Variants in PPP2R2B observed in about 807,000 individuals in gnomAD.
The protein encoded by PPP2R2B is serine/threonine-protein phosphatase 2A 55 kDa regulatory subunit B beta isoform.
A neutral mutation model predicts 46.0 loss-of-function variants in PPP2R2B; 5 were observed. The observed-to-expected ratio is 0.11, with a 90% CI of 0.06 to 0.23. The LOEUF (loss-of-function observed/expected upper bound fraction) is 0.23. PPP2R2B is among the 10% of genes least tolerant of loss of function. The probability of loss-of-function intolerance (pLI) is 1.00; values close to 1 mark genes in which losing one functional copy is unlikely to be tolerated. For synonymous variants in PPP2R2B, 215 were observed against 206.7 expected (o/e 1.04, Z -0.34); for missense variants, 367 against 575.0 (o/e 0.64, Z 3.70).
At chr5:146,899,731 GGAA>G (rs1762764049) in intron 1 of PPP2R2B, among the ~76,000 whole-genome samples, 1 of 152,066 alleles carries the variant, frequency 6.6e-6, no homozygotes, top group Admixed American at 6.6e-5. Flanking sequence ...AGAAGTATCA[GGAA>G]GAATTAGGAA....
At chr5:146,832,392 T>A (rs974999707) in intron 2 of PPP2R2B, among the ~76,000 whole-genome samples, 2 of 139,620 alleles carry the variant, frequency 1.4e-5, no homozygotes, top group African/African-American at 2.7e-5. Flanking sequence ...TTTTTTTTTT[T>A]TTTTTTTTTT....
chr5:146,597,962 C>T (rs1405787674), intron 8 of PPP2R2B, among the ~76,000 whole-genome samples: 1 of 152,240 alleles, frequency 6.6e-6, no homozygotes, highest in Admixed American at 6.5e-5. Context: ...CGGTCTCTCT[C>T]TAATGGTCTC....
chr5:146,980,408 C>T (rs1405086089), intron 1 of PPP2R2B, among the ~76,000 whole-genome samples: 4 of 152,160 alleles, frequency 2.6e-5, no homozygotes, highest in Non-Finnish European at 4.4e-5. Context: ...GTCTCCTTTA[C>T]ACCATCCCTC....
chr5:146,634,707 G>A (rs1190350385), intron 7 of PPP2R2B, among the ~76,000 whole-genome samples: 2 of 151,944 alleles, frequency 1.3e-5, no homozygotes, highest in Non-Finnish European at 2.9e-5. Context: ...CAGAGCTTGG[G>A]ACTTGTCAGC....
intron 1 of PPP2R2B, among the ~76,000 whole-genome samples, chr5:147,047,072 A>G (rs1283087374): frequency 6.6e-6 from 1 of 152,060 alleles, no homozygotes; most frequent in African/African-American, 2.4e-5. Flanking sequence ...GGGACATCAC[A>G]TGTGAAGAGG....
chr5:146,617,798 G>A (rs953012950), intron 7 of PPP2R2B, among the ~76,000 whole-genome samples: 11 of 151,934 alleles, frequency 7.2e-5, no homozygotes, highest in African/African-American at 2.7e-4. Context: ...GGGTTCAAGC[G>A]ATTCTTGTGC....
At chr5:146,815,192 C>G (rs1279348986) in intron 2 of PPP2R2B, among the ~76,000 whole-genome samples, 1 of 152,208 alleles carries the variant, frequency 6.6e-6, no homozygotes, top group Non-Finnish European at 1.5e-5. Context: ...CAGCAAGGTC[C>G]ATTCTCTTCC....
chr5:146,734,649 C>T (rs1425049459), intron 2 of PPP2R2B, among the ~76,000 whole-genome samples: 2 of 152,154 alleles, frequency 1.3e-5, no homozygotes, highest in Non-Finnish European at 2.9e-5. Context: ...TTCTCTCTCC[C>T]ACTCTGTCTG....
At chr5:146,599,716 G>A (rs1241522699) in intron 8 of PPP2R2B, among the ~76,000 whole-genome samples, 1 of 152,174 alleles carries the variant, frequency 6.6e-6, no homozygotes, top group Non-Finnish European at 1.5e-5. Context: ...TGTTACATAT[G>A]TATACATGTG....
chr5:146,645,602 G>C (rs1775531159), intron 6 of PPP2R2B, among the ~76,000 whole-genome samples: 1 of 151,994 alleles, frequency 6.6e-6, no homozygotes, highest in Non-Finnish European at 1.5e-5. Context: ...ATGAGTGCTA[G>C]AACCTGGAAG....
chr5:146,838,627 A>G (rs1482229365), intron 2 of PPP2R2B, among the ~76,000 whole-genome samples: 1 of 152,068 alleles, frequency 6.6e-6, no homozygotes, highest in Non-Finnish European at 1.5e-5. Flanking sequence ...ACAGAGTTAC[A>G]TAATGGGAAG....
chr5:146,777,905 G>A (rs1391635155), intron 2 of PPP2R2B, among the ~76,000 whole-genome samples: 1 of 152,276 alleles, frequency 6.6e-6, no homozygotes, highest in African/African-American at 2.4e-5. Flanking sequence ...GCACTGTTAC[G>A]AGGGAGTAAA....
chr5:147,030,470 GATAAT>G (rs1358145783), intron 1 of PPP2R2B, among the ~76,000 whole-genome samples: 2 of 151,710 alleles, frequency 1.3e-5, no homozygotes, highest in Admixed American at 6.6e-5. Context: ...CATGCTTATT[GATAAT>G]ATAATTTTTA....
chr5:146,895,411 CTCAGT>C (rs1182083939), intron 1 of PPP2R2B, among the ~76,000 whole-genome samples: 2 of 152,216 alleles, frequency 1.3e-5, no homozygotes, highest in Non-Finnish European at 2.9e-5. Flanking sequence ...TCCTCCAATA[CTCAGT>C]AAGCTCATGA....
chr5:146,971,737 C>T (rs1173472434), intron 1 of PPP2R2B, among the ~76,000 whole-genome samples: 4 of 152,020 alleles, frequency 2.6e-5, no homozygotes, highest in Non-Finnish European at 5.9e-5. Flanking sequence ...ACAGCATTTC[C>T]AACATATTAG....
At chr5:146,996,589 A>C (rs1383166) in intron 1 of PPP2R2B, among the ~76,000 whole-genome samples, 151,551 of 152,228 alleles carry the variant, frequency 1, 75,439 homozygotes, top group East Asian at 1. Flanking sequence ...GTATGGAAGA[A>C]TGATTTCAGT....
rs190002793 is a variant in PPP2R2B at position 146,838,302 on chromosome 5, G to A, written c.70+39700C>T. 2.1e-3 allele frequency among the ~76,000 whole-genome samples: 319 copies of A among 151,674 alleles called. 3 individuals carry two copies. The highest frequency in any genetic ancestry group is 1.2e-3 in the Admixed American group (19 of 15,222). ...GACTTAGAAGGAAGGAAGGGAGGCC[G>A]GGCTCACACCTGTAATGCCAGCACT... On this transcript the variant is annotated intron_variant, in intron 2 of 9. Coordinates refer to ENST00000394411, the MANE Select transcript of PPP2R2B (RefSeq NM_181675.4).
chr5:146,729,189 G>C (rs890754060), intron 2 of PPP2R2B, among the ~76,000 whole-genome samples: 1 of 152,226 alleles, frequency 6.6e-6, no homozygotes, highest in Non-Finnish European at 1.5e-5. Context: ...GAGCAAAGGT[G>C]ACTCTTGTTA....
At chr5:146,604,124 G>C (rs916301309) in intron 7 of PPP2R2B, among the ~76,000 whole-genome samples, 2 of 152,208 alleles carry the variant, frequency 1.3e-5, no homozygotes, top group African/African-American at 2.4e-5. Context: ...ACAGGATAGA[G>C]GAGGGGACAA....
Sources: gnomAD v4.1 joint callset for allele counts (sites outside exome capture counted in the v4.1 genomes callset) on GRCh38, gnomAD v4.1.1 for gene constraint, MANE v1.5 for transcripts, NCBI Gene and HGNC (gene_info 2026-07-23, HGNC 2026-07-21) for gene names.